GDAP2: variants seen among roughly 807,000 people sequenced by gnomAD.
The protein encoded by GDAP2 is ganglioside-induced differentiation-associated protein 2.
GDAP2 carries 51 observed loss-of-function variants against 67.0 expected under a neutral mutation model. That is an observed-to-expected ratio of 0.76 (90% CI 0.61 to 0.96). The LOEUF is 0.96. Among genes scored for constraint, GDAP2 ranks in the 40% least tolerant of loss-of-function variants. The pLI, the probability that GDAP2 is intolerant of heterozygous loss-of-function variation, is 0.00. For missense variants in GDAP2, 547 were observed against 588.3 expected (o/e 0.93, Z 0.73); for synonymous variants, 203 against 207.3 (o/e 0.98, Z 0.18).
chr1:117,870,359 T>C lies in GDAP2; in HGVS notation c.*210A>G. ...TGAACATTTCCATTTCATATAAATA[T>C]ACAAATTTAAAATGTGTGCAGTTCA... On this transcript the variant is annotated 3_prime_UTR_variant, in exon 14 of 14. Transcript: ENST00000369443. 3.7e-6 allele frequency: 2 copies of C among 539,304 alleles called. No individual in the cohort carries two copies. Among genetic ancestry groups the C allele is most frequent in the South Asian group, 2.7e-5 (1 of 37,414 alleles). 33.4% of individuals were successfully genotyped at this position (539,304 alleles called of 1,614,324 possible).
At position 117,923,142 on chromosome 1, in the gene GDAP2, T is replaced by C. The variant is rs1408383845; in HGVS notation, c.-67-2718A>G. Among the ~76,000 whole-genome samples, 5 of 152,264 alleles carry C rather than the reference T, an allele frequency of 3.3e-5. No individual in the cohort carries two copies. The East Asian group carries it at 7.7e-4, about 23-fold the overall frequency. On this transcript the variant is annotated intron_variant, in intron 1 of 13. Coordinates refer to ENST00000369443, the MANE Select transcript of GDAP2 (RefSeq NM_017686.4). The stretch of plus-strand genomic sequence containing the variant: ...ATCTCCCTTGTTCCCTGCATCGCTG[T>C]TATCCTGTTCTTTTTTGAAGGTGCC...
intron 10 of GDAP2, among the ~76,000 whole-genome samples, chr1:117,885,137 C>T (rs1194011579): frequency 1.3e-5 from 2 of 152,162 alleles, no homozygotes; most frequent in Non-Finnish European, 2.9e-5. Context: ...GGATTATAGG[C>T]ATGAACTACC....
intron 3 of GDAP2, among the ~76,000 whole-genome samples, chr1:117,918,210 A>G (rs934473218): frequency 6.6e-6 from 1 of 152,234 alleles, no homozygotes; most frequent in Admixed American, 6.5e-5. Flanking sequence ...GGCACAAATA[A>G]CAAAGGGATG....
chr1:117,871,201 A>T (rs1189985262), intron 13 of GDAP2, among the ~76,000 whole-genome samples: 1 of 152,206 alleles, frequency 6.6e-6, no homozygotes, highest in African/African-American at 2.4e-5. Context: ...AAGGCTTGTA[A>T]CAATTACAGT....
intron 13 of GDAP2, among the ~76,000 whole-genome samples, chr1:117,871,298 G>C (rs1206300084): frequency 6.6e-6 from 1 of 152,136 alleles, no homozygotes; most frequent in South Asian, 2.1e-4. Flanking sequence ...TAGTGCAAGG[G>C]GGAATTTTTT....
At chr1:117,898,181 T>C (rs957027007) in intron 7 of GDAP2, among the ~76,000 whole-genome samples, 2 of 152,178 alleles carry the variant, frequency 1.3e-5, no homozygotes, top group East Asian at 3.8e-4. Flanking sequence ...ATGCATTTTA[T>C]GAAAGAAAAA....
chr1:117,899,092 T>A lies in GDAP2; in HGVS notation c.761A>T (p.Gln254Leu). Residue 254 changes from glutamine (Q) to leucine (L), a missense_variant, in exon 7 of 14, where the codon CAG becomes CTG. Coordinates refer to ENST00000369443, the MANE Select transcript of GDAP2 (RefSeq NM_017686.4). ...AEGEPVVPER[Q>L]IRISEKPGAP... ...ACCAGGTTTCTCACTTATTCTAATC[T>A]GTCGTTCAGGTACCACAGGCTCCCC... 1 of 1,613,650 alleles carries A rather than the reference T, an allele frequency of 6.2e-7. No homozygotes were observed. The highest frequency in any genetic ancestry group is 8.5e-7 in the Non-Finnish European group (1 of 1,179,576).
intron 10 of GDAP2, 136 bp downstream of exon 10, chr1:117,886,441 T>TA (rs1350747274): frequency 6.7e-5 from 40 of 598,588 alleles, no homozygotes; most frequent in Non-Finnish European, 1.1e-4. Flanking sequence ...GGTCCACTCA[T>TA]AGAACCAGGT....
intron 3 of GDAP2, among the ~76,000 whole-genome samples, chr1:117,915,944 T>TC (rs766701017): frequency 2.0e-5 from 3 of 152,178 alleles, no homozygotes; most frequent in Non-Finnish European, 4.4e-5. Flanking sequence ...AAGTACTGTT[T>TC]CCCCCAAATA....
intron 3 of GDAP2, among the ~76,000 whole-genome samples, chr1:117,914,373 G>A (rs1649973427): frequency 6.6e-6 from 1 of 151,986 alleles, no homozygotes; most frequent in African/African-American, 2.4e-5. Flanking sequence ...CAATAGAAGG[G>A]TTAAAACTAA....
At chr1:117,888,328 G>A (rs558583965) in intron 8 of GDAP2, among the ~76,000 whole-genome samples, 85 of 152,170 alleles carry the variant, frequency 5.6e-4, no homozygotes, top group Non-Finnish European at 1.8e-4. Flanking sequence ...GGGAAGTCCT[G>A]GAATATTTAA....
chr1:117,913,120 C>G (rs1392846377), intron 3 of GDAP2, among the ~76,000 whole-genome samples: 2 of 152,164 alleles, frequency 1.3e-5, no homozygotes, highest in African/African-American at 2.4e-5. Context: ...AGGGGCTTAG[C>G]CTTGTTACAA....
intron 2 of GDAP2, 152 bp from the exon 3 acceptor site, chr1:117,918,888 C>G: frequency 3.1e-6 from 2 of 652,920 alleles, no homozygotes; most frequent in Non-Finnish European, 5.2e-6. Context: ...AAATTTCTGA[C>G]TTAAAAAACA....
intron 8 of GDAP2, among the ~76,000 whole-genome samples, chr1:117,889,332 C>G (rs1026082030): frequency 6.6e-6 from 1 of 151,582 alleles, no homozygotes; most frequent in Non-Finnish European, 1.5e-5. Context: ...TTGGTGAGAA[C>G]AGTTAAAATG....
In GDAP2 at chr1:117,877,138, A is replaced by G. The variant is rs556535092; in HGVS notation, c.1446+871T>C. 10 of 198,906 alleles carry G rather than the reference A, an allele frequency of 5.0e-5. No individual in the cohort carries two copies. The South Asian group carries it at 1.7e-3, about 35-fold the overall frequency. 12.3% of individuals were successfully genotyped at this position (198,906 alleles called of 1,614,324 possible). A position where few individuals can be genotyped will look rare whatever the true frequency, so the allele number is the denominator to read the frequency against. ...TAACAGCCAAATATGAAATTTTATT[A>G]GCCATTAGATCACATTATACACTTT... On this transcript the variant is annotated intron_variant, in intron 13 of 13. Transcript: ENST00000369443.
In GDAP2 at chr1:117,877,711, A is replaced by G. The variant is rs533174364; in HGVS notation, c.1446+298T>C. 5.9e-5 allele frequency: 64 copies of G among 1,086,676 alleles called. No homozygotes were observed. The East Asian group carries it at 2.3e-3, about 39-fold the overall frequency. The allele number at this position is 1,086,676 out of a possible 1,614,324, so 67.3% of individuals were successfully genotyped here. A position where few individuals can be genotyped will look rare whatever the true frequency, so the allele number is the denominator to read the frequency against. On this transcript the variant is annotated intron_variant, in intron 13 of 13. Transcript: ENST00000369443. Reference sequence around the variant, plus strand: ...CCATTCAATCTTAAGAAAATTAGGCAGAGGTATCTGTTTTAAATATGGTAG... The same window carrying G: ...CCATTCAATCTTAAGAAAATTAGGCGGAGGTATCTGTTTTAAATATGGTAG...
intron 6 of GDAP2, 69 bp downstream of exon 6, chr1:117,906,437 G>A (rs1649662198): frequency 1.2e-6 from 1 of 814,304 alleles, no homozygotes; most frequent in Admixed American, 2.1e-5. Context: ...TAAATATGTA[G>A]TGACAAGCCA....
rs1276635871 is a variant in GDAP2, at chr1:117,877,854, T to C, written c.1446+155A>G. ...ACAAATCCTTTTCCTAAAGTTATCA[T>C]AGGGAAAGTATGTTAAATGATATTA... is the stretch of plus-strand genomic sequence containing the variant. On this transcript the variant is annotated intron_variant, in intron 13 of 13. Coordinates refer to ENST00000369443, the MANE Select transcript of GDAP2 (RefSeq NM_017686.4). 7 of 1,273,670 alleles carry C rather than the reference T, an allele frequency of 5.5e-6. No individual in the cohort carries two copies. The East Asian group carries it at 1.5e-4, about 27-fold the overall frequency. The allele number at this position is 1,273,670 out of a possible 1,614,324, so 78.9% of individuals were successfully genotyped here.
chr1:117,881,080 C>T (rs1648633452), intron 12 of GDAP2, among the ~76,000 whole-genome samples: 1 of 152,010 alleles, frequency 6.6e-6, no homozygotes, highest in Admixed American at 6.6e-5. Flanking sequence ...GAAAGCAGTA[C>T]AATGGATTAT....
Sources: gnomAD v4.1 joint callset for allele counts (sites outside exome capture counted in the v4.1 genomes callset) on GRCh38, gnomAD v4.1.1 for gene constraint, MANE v1.5 for transcripts, NCBI Gene and HGNC (gene_info 2026-07-23, HGNC 2026-07-21) for gene names.